The following CDH4 variants were observed in gnomAD, a reference collection of about 807,000 sequenced individuals.
The protein encoded by CDH4 is cadherin-4.
In CDH4, 33 loss-of-function variants were observed where a neutral mutation model predicts 86.0. The ratio of observed to expected loss-of-function variants is 0.38; its 90% CI spans 0.29 to 0.51. The LOEUF is 0.51. CDH4 is among the 20% of genes least tolerant of loss of function. The pLI is 0.86. For missense variants in CDH4, 1,114 were observed against 1,307.4 expected, an observed-to-expected ratio of 0.85 and a Z score of 2.28; for synonymous variants, 555 against 549.4, an observed-to-expected ratio of 1.01 and a Z score of -0.14.
chr20:61,905,811 A>G (rs2054782515), intron 8 of CDH4, among the ~76,000 whole-genome samples: 1 of 152,090 alleles, frequency 6.6e-6, no homozygotes, highest in Non-Finnish European at 1.5e-5. Flanking sequence ...AAGGGAATTC[A>G]GAAGGTGCAG....
intron 2 of CDH4, among the ~76,000 whole-genome samples, chr20:61,461,197 T>TAAAA (rs76632080): frequency 2.0e-4 from 31 of 151,760 alleles, no homozygotes; most frequent in African/African-American, 6.8e-4. Flanking sequence ...CATTTTTTTT[T>TAAAA]AAAAAAAATG....
At chr20:61,429,468 A>G (rs1438116362) in intron 2 of CDH4, among the ~76,000 whole-genome samples, 1 of 152,222 alleles carries the variant, frequency 6.6e-6, no homozygotes, top group Non-Finnish European at 1.5e-5. Context: ...TCATCTCTGT[A>G]TCTCCAGTAC....
intron 2 of CDH4, among the ~76,000 whole-genome samples, chr20:61,425,551 G>A (rs1346319060): frequency 6.6e-6 from 1 of 152,368 alleles, no homozygotes; most frequent in African/African-American, 2.4e-5. Context: ...CAGGGCAGAC[G>A]CTGCTGTGAT....
At chr20:61,505,992 T>C (rs933647097) in intron 2 of CDH4, among the ~76,000 whole-genome samples, 1 of 152,228 alleles carries the variant, frequency 6.6e-6, no homozygotes, top group African/African-American at 2.4e-5. Flanking sequence ...GAAAACATGG[T>C]GGCTGAATTA....
chr20:61,762,129 G>T (rs544022805), intron 3 of CDH4, among the ~76,000 whole-genome samples: 1 of 152,386 alleles, frequency 6.6e-6, no homozygotes, highest in African/African-American at 2.4e-5. Flanking sequence ...GTCTGCAGGT[G>T]GTGGACTTCC....
chr20:61,344,170 G>C (rs572404761), intron 2 of CDH4, among the ~76,000 whole-genome samples: 1 of 152,112 alleles, frequency 6.6e-6, no homozygotes, highest in East Asian at 1.9e-4. Flanking sequence ...GGCTGGCCTC[G>C]AAGGGCGAGT....
chr20:61,537,679 G>A (rs2086007734), intron 2 of CDH4, among the ~76,000 whole-genome samples: 1 of 152,182 alleles, frequency 6.6e-6, no homozygotes, highest in South Asian at 2.1e-4. Flanking sequence ...CGTTGTGAGG[G>A]GTGTTTTTTA....
chr20:61,781,511 G>A (rs1978542120), intron 4 of CDH4, among the ~76,000 whole-genome samples: 1 of 152,202 alleles, frequency 6.6e-6, no homozygotes, highest in African/African-American at 2.4e-5. Context: ...CTCACTGGAT[G>A]GGTTCACAAG....
intron 3 of CDH4, among the ~76,000 whole-genome samples, chr20:61,749,684 A>G (rs2088464446): frequency 6.6e-6 from 1 of 152,212 alleles, no homozygotes; most frequent in South Asian, 2.1e-4. Context: ...TTTTGAACTG[A>G]GTAATAAAAC....
intron 2 of CDH4, among the ~76,000 whole-genome samples, chr20:61,448,831 T>C (rs1404238379): frequency 2.0e-5 from 3 of 152,150 alleles, no homozygotes; most frequent in Non-Finnish European, 4.4e-5. Flanking sequence ...TTTCTTTTTT[T>C]AGGCCAAACT....
At chr20:61,855,986 C>T (rs1238803700) in intron 6 of CDH4, among the ~76,000 whole-genome samples, 2 of 152,048 alleles carry the variant, frequency 1.3e-5, no homozygotes, top group African/African-American at 2.4e-5. Flanking sequence ...AAGCCCACCT[C>T]GGTCACCCTT....
intron 9 of CDH4, among the ~76,000 whole-genome samples, chr20:61,920,114 C>CGTGGTATCGTGATTGGAAGTGTG (rs1568887798): frequency 1.2e-3 from 1 of 816 alleles, no homozygotes; most frequent in Non-Finnish European, 4.6e-3. Context: ...TGATTGGAAG[C>CGTGGTATCGTGATTGGAAGTGTG]GTGTCACGGT....
rs75238513 is a variant in CDH4 at position 61,744,601 on chromosome 20, C to G, written c.396+812C>G. ...AAGGAAAGGGAGGGAGAGAGAGAGACAGACAGACAGCTTCACACAGACATA... is the reference window on the plus strand; with the variant it reads ...AAGGAAAGGGAGGGAGAGAGAGAGAGAGACAGACAGCTTCACACAGACATA... On this transcript the variant is annotated intron_variant, in intron 3 of 15. Transcript: ENST00000614565. 3.7e-4 allele frequency among the ~76,000 whole-genome samples: 37 copies of G among 100,520 alleles called. 2 individuals carry two copies. The highest frequency in any genetic ancestry group is 3.3e-3 in the Admixed American group (26 of 7,926). The allele number at this position is 100,520 out of a possible 152,430, so 65.9% of individuals were successfully genotyped here. A position where few individuals can be genotyped will look rare whatever the true frequency, so the allele number is the denominator to read the frequency against.
chr20:61,731,004 AG>A (rs774478857), intron 2 of CDH4, among the ~76,000 whole-genome samples: 99 of 151,654 alleles, frequency 6.5e-4, no homozygotes, highest in Non-Finnish European at 1.2e-3. Flanking sequence ...GGAGCAGCTG[AG>A]GGGGTCTCAG....
chr20:61,660,779 G>T (rs1290706735), intron 2 of CDH4, among the ~76,000 whole-genome samples: 1 of 152,132 alleles, frequency 6.6e-6, no homozygotes, highest in African/African-American at 2.4e-5. Context: ...TTGTTACATT[G>T]AAGAAGTAGG....
chr20:61,357,484 AC>A (rs2084757616), intron 2 of CDH4, among the ~76,000 whole-genome samples: 1 of 152,142 alleles, frequency 6.6e-6, no homozygotes. Context: ...GTGAGGTCTC[AC>A]GTGAGCTCTT....
intron 2 of CDH4, among the ~76,000 whole-genome samples, chr20:61,513,937 G>A (rs531290316): frequency 1.4e-4 from 21 of 152,292 alleles, no homozygotes; most frequent in Admixed American, 3.3e-4. Context: ...GTTTCACAGC[G>A]GGAGAAAGGA....
At chr20:61,661,227 G>T (rs763729532) in intron 2 of CDH4, among the ~76,000 whole-genome samples, 2 of 152,124 alleles carry the variant, frequency 1.3e-5, no homozygotes, top group African/African-American at 4.8e-5. Flanking sequence ...GGTTCCGCCC[G>T]TCTGGGAGCT....
At chr20:61,718,863 C>A (rs2892179) in intron 2 of CDH4, 453,292 of 471,072 alleles carry the variant, frequency 0.96, 218,195 homozygotes, top group East Asian at 1. Context: ...TTCACTGTTC[C>A]TGCTGTCAGG....
Sources: gnomAD v4.1 joint callset for allele counts (sites outside exome capture counted in the v4.1 genomes callset) on GRCh38, gnomAD v4.1.1 for gene constraint, MANE v1.5 for transcripts, NCBI Gene and HGNC (gene_info 2026-07-23, HGNC 2026-07-21) for gene names.